LHX8: variants seen among roughly 807,000 people sequenced by gnomAD.
LHX8 encodes the protein LIM homeobox 8.
In LHX8, 12 loss-of-function variants were observed where a neutral mutation model predicts 40.3. That is an observed-to-expected ratio of 0.30 (90% CI 0.19 to 0.48). The LOEUF (loss-of-function observed/expected upper bound fraction) is 0.48, where lower values mean the gene tolerates loss of function less well. Among genes scored for constraint, LHX8 ranks in the 20% least tolerant of loss-of-function variants. The probability of loss-of-function intolerance (pLI) is 0.99; values close to 1 mark genes in which losing one functional copy is unlikely to be tolerated. For missense variants in LHX8, 344 were observed against 433.7 expected (o/e 0.79, Z 1.84); for synonymous variants, 179 against 162.0 (o/e 1.10, Z -0.80).
At chr1:75,133,632 T>C (rs1329326325), upstream of LHX8, among the ~76,000 whole-genome samples, 1 of 152,190 alleles carries the variant, frequency 6.6e-6, no homozygotes, top group Non-Finnish European at 1.5e-5. Context: ...ATAAAGTTTA[T>C]ACCACAAAGA....
rs745809090 is a variant in LHX8 at position 75,148,690 on chromosome 1, CTTTACT to C, written c.780+12_780+17del. On this transcript the variant is annotated intron_variant, in intron 7 of 8. Coordinates refer to ENST00000356261, the MANE Select transcript of LHX8 (RefSeq NM_001256114.2). ...AGCAGACGTGTGATACAGGTGATTA[CTTTACT>C]TTTTTTTTTTTTTAAGGTTTTTAAA... 2.5e-5 allele frequency: 38 copies of C among 1,535,784 alleles called. No homozygotes were observed. Among genetic ancestry groups the C allele is most frequent in the Middle Eastern group, 1.7e-4 (1 of 5,920 alleles).
chr1:75,155,527 C>T (rs1304317804), intron 7 of LHX8, among the ~76,000 whole-genome samples: 1 of 152,100 alleles, frequency 6.6e-6, no homozygotes, highest in Non-Finnish European at 1.5e-5. Context: ...AGCCACTGCG[C>T]CCGGCCCATG....
At chr1:75,192,097 A>T in the LHX8 span, among the ~76,000 whole-genome samples, 1 of 152,248 alleles carries the variant, frequency 6.6e-6, no homozygotes, top group Admixed American at 6.5e-5. Flanking sequence ...GGAGAATATC[A>T]CTACCTATTT....
chr1:75,159,927 T>TC (rs2100365927), intron 8 of LHX8: 2 of 152,336 alleles, frequency 1.3e-5, no homozygotes, highest in Admixed American at 1.3e-4. Flanking sequence ...CCCTTTGGAA[T>TC]CACAAATGAA....
At chr1:75,157,615 T>G (rs1405515499) in intron 8 of LHX8, among the ~76,000 whole-genome samples, 1 of 152,238 alleles carries the variant, frequency 6.6e-6, no homozygotes, top group Non-Finnish European at 1.5e-5. Context: ...TATCCTTTTC[T>G]CCCAAAGTAA....
At chr1:75,156,815 A>T (rs1052825593) in intron 7 of LHX8, 78 bp from the exon 8 acceptor site, 34 of 1,374,152 alleles carry the variant, frequency 2.5e-5, no homozygotes, top group African/African-American at 5.7e-5. Flanking sequence ...GGTTGCATTC[A>T]TTTTTTAACT....
At chr1:75,156,291 G>A (rs939344029) in intron 7 of LHX8, among the ~76,000 whole-genome samples, 2 of 152,004 alleles carry the variant, frequency 1.3e-5, no homozygotes, top group African/African-American at 4.8e-5. Flanking sequence ...GCCCAGGCTG[G>A]AGTGCAGTGG....
At chr1:75,137,941 A>G (rs1440146294) in intron 3 of LHX8, among the ~76,000 whole-genome samples, 10 of 152,234 alleles carry the variant, frequency 6.6e-5, no homozygotes, top group Non-Finnish European at 2.9e-5. Context: ...AGGCCACTCA[A>G]TGCTGTTGTT....
chr1:75,142,871 A>G (rs1201096789), intron 4 of LHX8, among the ~76,000 whole-genome samples: 2 of 152,186 alleles, frequency 1.3e-5, no homozygotes, highest in East Asian at 1.9e-4. Context: ...GAAAACTTCA[A>G]TCTTCTTTTA....
At chr1:75,189,356 A>G in the LHX8 span, among the ~76,000 whole-genome samples, 1 of 152,208 alleles carries the variant, frequency 6.6e-6, no homozygotes, top group African/African-American at 2.4e-5. Context: ...CAAAATTTGG[A>G]TGCAGGTTAC....
the LHX8 span, among the ~76,000 whole-genome samples, chr1:75,174,840 A>G: frequency 1.3e-5 from 2 of 149,930 alleles, no homozygotes; most frequent in Non-Finnish European, 3.0e-5. Flanking sequence ...TTTTATTTTG[A>G]TAATTTTGGG....
downstream of LHX8, among the ~76,000 whole-genome samples, chr1:75,164,126 A>G (rs1164822055): frequency 6.6e-6 from 1 of 152,230 alleles, no homozygotes; most frequent in Non-Finnish European, 1.5e-5. Context: ...TATTAGATAA[A>G]TAGGTTGTAT....
intron 1 of LHX8, among the ~76,000 whole-genome samples, chr1:75,135,684 A>C (rs1648104174): frequency 1.3e-5 from 2 of 152,380 alleles, no homozygotes; most frequent in Admixed American, 1.3e-4. Flanking sequence ...GTTTTCGTTT[A>C]AGAACAAAAC....
chr1:75,177,315 G>C, the LHX8 span, among the ~76,000 whole-genome samples: 2 of 152,156 alleles, frequency 1.3e-5, no homozygotes, highest in African/African-American at 4.8e-5. Flanking sequence ...AGCATGGAAT[G>C]TTCTTCCATT....
the LHX8 span, among the ~76,000 whole-genome samples, chr1:75,199,184 G>T: frequency 6.6e-6 from 1 of 152,154 alleles, no homozygotes; most frequent in African/African-American, 2.4e-5. Context: ...ATTGCGTTCA[G>T]AAGGCACCCC....
chr1:75,157,922 T>C (rs1048398326), intron 8 of LHX8, among the ~76,000 whole-genome samples: 12 of 152,244 alleles, frequency 7.9e-5, no homozygotes, highest in African/African-American at 2.9e-4. Flanking sequence ...ACTAGATATG[T>C]ACCTGGGAGT....
At chr1:75,140,137 CA>C (rs1648273199) in intron 3 of LHX8, among the ~76,000 whole-genome samples, 6 of 152,168 alleles carry the variant, frequency 3.9e-5, no homozygotes. Context: ...AATATAATGG[CA>C]ACAGTTTAAA....
At chr1:75,144,179 G>T (rs557862860) in intron 6 of LHX8, among the ~76,000 whole-genome samples, 4 of 152,202 alleles carry the variant, frequency 2.6e-5, no homozygotes, top group African/African-American at 9.6e-5. Flanking sequence ...TTTCCCTGGG[G>T]TCTATTGGTA....
At chr1:75,178,805 C>A in the LHX8 span, among the ~76,000 whole-genome samples, 1 of 152,206 alleles carries the variant, frequency 6.6e-6, no homozygotes, top group African/African-American at 2.4e-5. Context: ...CTCTTGTGGG[C>A]ATTTAGTGCT....
Sources: allele counts gnomAD v4.1 joint callset (sites outside exome capture counted in the v4.1 genomes callset), GRCh38; gene constraint gnomAD v4.1.1; transcripts MANE v1.5; gene names NCBI Gene and HGNC (gene_info 2026-07-23, HGNC 2026-07-21).